HECW1: variants seen among roughly 807,000 people sequenced by gnomAD.
The protein encoded by HECW1 is E3 ubiquitin-protein ligase HECW1.
A neutral mutation model predicts 182.3 loss-of-function variants in HECW1; 61 were observed. That is an observed-to-expected ratio of 0.33 (90% CI 0.27 to 0.41). HECW1 has a LOEUF of 0.41. Among genes scored for constraint, HECW1 ranks in the 10% least tolerant of loss-of-function variants. The pLI, the probability that HECW1 is intolerant of heterozygous loss-of-function variation, is 1.00. For missense variants in HECW1, 1,739 were observed against 2,108.9 expected (o/e 0.82, Z 3.44); for synonymous variants, 859 against 832.6 (o/e 1.03, Z -0.55).
intron 17 of HECW1, among the ~76,000 whole-genome samples, chr7:43,481,211 C>T (rs1585039952): frequency 6.6e-6 from 1 of 152,182 alleles, no homozygotes; most frequent in Admixed American, 6.5e-5. Flanking sequence ...GTTCAACATG[C>T]GTAGTCTCCC....
intron 2 of HECW1, chr7:43,147,566 T>C (rs1431078040): frequency 6.6e-6 from 1 of 152,252 alleles, no homozygotes; most frequent in East Asian, 1.9e-4. Flanking sequence ...CATCTATTTG[T>C]GGACTTTTTT....
chr7:43,271,496 C>T (rs1180818874), intron 3 of HECW1, among the ~76,000 whole-genome samples: 1 of 152,186 alleles, frequency 6.6e-6, no homozygotes, highest in East Asian at 1.9e-4. Flanking sequence ...AACTGATAAA[C>T]GATTTTAGCA....
chr7:43,154,792 T>C lies in HECW1; in HGVS notation c.-32+40401T>C, dbSNP rs539635956. Among the ~76,000 whole-genome samples the C allele has an allele frequency of 7.2e-4, 109 of 152,364 alleles. 1 individual carries two copies. The highest frequency in any genetic ancestry group is 1.2e-3 in the Admixed American group (19 of 15,302). On this transcript the variant is annotated intron_variant, in intron 2 of 29. Transcript: ENST00000395891. The stretch of plus-strand genomic sequence containing the variant: ...CACTGGTAGGTTCTAAGATGCATTT[T>C]TGCAGAGTGATGTTTCTTCCATAGT...
chr7:43,134,790 C>A (rs764144271), intron 2 of HECW1, among the ~76,000 whole-genome samples: 1 of 152,068 alleles, frequency 6.6e-6, no homozygotes, highest in African/African-American at 2.4e-5. Context: ...TGACTTTTTC[C>A]CCAAGACTCT....
chr7:43,221,499 C>T (rs1796940922), intron 2 of HECW1, among the ~76,000 whole-genome samples: 1 of 132,166 alleles, frequency 7.6e-6, no homozygotes, highest in Non-Finnish European at 1.6e-5. Flanking sequence ...ACTAAGTGCT[C>T]AGTAAGTATT....
At chr7:43,461,136 T>C (rs1339929134) in intron 13 of HECW1, among the ~76,000 whole-genome samples, 1 of 152,234 alleles carries the variant, frequency 6.6e-6, no homozygotes, top group East Asian at 1.9e-4. Flanking sequence ...CCGTTATTTC[T>C]CATGGTTCTG....
chr7:43,353,311 A>G (rs1426583805), intron 5 of HECW1, among the ~76,000 whole-genome samples: 1 of 152,168 alleles, frequency 6.6e-6, no homozygotes, highest in Non-Finnish European at 1.5e-5. Context: ...AGGTTAAATA[A>G]AAGGAAGATC....
At chr7:43,518,510 T>C (rs1027579629) in intron 24 of HECW1, among the ~76,000 whole-genome samples, 8 of 150,354 alleles carry the variant, frequency 5.3e-5, no homozygotes, top group African/African-American at 2.0e-4. Flanking sequence ...AAAAAAAACG[T>C]ATTTGAATAT....
At chr7:43,186,349 G>A (rs908004814) in intron 2 of HECW1, among the ~76,000 whole-genome samples, 23 of 152,280 alleles carry the variant, frequency 1.5e-4, no homozygotes, top group African/African-American at 5.1e-4. Flanking sequence ...GATGAACCTT[G>A]TGTATGCTAG....
intron 9 of HECW1, among the ~76,000 whole-genome samples, chr7:43,442,234 A>G (rs2076911495): frequency 6.6e-6 from 1 of 152,256 alleles, no homozygotes; most frequent in South Asian, 2.1e-4. Context: ...AAGTGTTCCA[A>G]GCACTTTTAA....
At chr7:43,553,278 T>C (rs983539874) in intron 28 of HECW1, among the ~76,000 whole-genome samples, 3 of 152,154 alleles carry the variant, frequency 2.0e-5, no homozygotes, top group African/African-American at 7.2e-5. Flanking sequence ...ATCCCATCAA[T>C]ACAGTAGAGA....
chr7:43,203,713 C>T (rs1198196744), intron 2 of HECW1, among the ~76,000 whole-genome samples: 1 of 152,208 alleles, frequency 6.6e-6, no homozygotes, highest in African/African-American at 2.4e-5. Context: ...CCACCTCAGC[C>T]TCCCAAAATG....
At chr7:43,228,381 A>G (rs1797612549) in intron 2 of HECW1, among the ~76,000 whole-genome samples, 1 of 152,320 alleles carries the variant, frequency 6.6e-6, no homozygotes, top group Middle Eastern at 3.4e-3. Context: ...CATATACTTA[A>G]GTAAAAAATA....
chr7:43,511,302 G>A (rs994924067), intron 24 of HECW1: 4 of 152,232 alleles, frequency 2.6e-5, no homozygotes, highest in Non-Finnish European at 4.4e-5. Context: ...TTTCTGAGCC[G>A]ACTAGCAATC....
intron 24 of HECW1, among the ~76,000 whole-genome samples, chr7:43,536,200 T>C (rs539857834): frequency 6.6e-6 from 1 of 152,386 alleles, no homozygotes; most frequent in Non-Finnish European, 1.5e-5. Flanking sequence ...TTCTGTGGTC[T>C]CAGGTCTAAA....
chr7:43,493,487 G>A (rs2079011175), intron 19 of HECW1, among the ~76,000 whole-genome samples: 1 of 152,086 alleles, frequency 6.6e-6, no homozygotes, highest in Non-Finnish European at 1.5e-5. Flanking sequence ...TTTATGTACA[G>A]CACTGTATAA....
At chr7:43,429,391 C>T (rs1440186093) in intron 8 of HECW1, among the ~76,000 whole-genome samples, 3 of 146,040 alleles carry the variant, frequency 2.1e-5, no homozygotes, top group Non-Finnish European at 3.0e-5. Context: ...GCATGGTCTC[C>T]GGCACTTCCT....
At chr7:43,441,390 C>T (rs1253433690) in intron 9 of HECW1, among the ~76,000 whole-genome samples, 4 of 152,150 alleles carry the variant, frequency 2.6e-5, no homozygotes, top group Admixed American at 6.5e-5. Context: ...CATTCTGTAG[C>T]GCCCACAGAC....
intron 2 of HECW1, among the ~76,000 whole-genome samples, chr7:43,217,646 T>A (rs146690856): frequency 6.6e-6 from 1 of 152,332 alleles, no homozygotes; most frequent in Non-Finnish European, 1.5e-5. Context: ...AATAAGATTA[T>A]ACAACAGACA....
Sources: gnomAD v4.1 joint callset for allele counts (sites outside exome capture counted in the v4.1 genomes callset) on GRCh38, gnomAD v4.1.1 for gene constraint, MANE v1.5 for transcripts, NCBI Gene and HGNC (gene_info 2026-07-23, HGNC 2026-07-21) for gene names.